The following FAM117B variants were observed in gnomAD, a reference collection of about 807,000 sequenced individuals.
FAM117B encodes family with sequence similarity 117 member B, also known as protein FAM117B.
In FAM117B, 22 loss-of-function variants were observed where a neutral mutation model predicts 52.8. That is an observed-to-expected ratio of 0.42 (90% CI 0.30 to 0.59). The LOEUF (loss-of-function observed/expected upper bound fraction) is 0.59, where lower values mean the gene tolerates loss of function less well. Ranked by LOEUF, FAM117B falls within the 20% of genes least tolerant of loss-of-function variation. The probability of loss-of-function intolerance (pLI) is 0.22; values close to 1 mark genes in which losing one functional copy is unlikely to be tolerated. For synonymous variants in FAM117B, 309 were observed against 324.1 expected, an observed-to-expected ratio of 0.95 and a Z score of 0.50; for missense variants, 678 against 802.6, an observed-to-expected ratio of 0.84 and a Z score of 1.88.
At chr2:202,700,715 CT>C in intron 2 of FAM117B, among the ~76,000 whole-genome samples, 1 of 139,878 alleles carries the variant, frequency 7.1e-6, no homozygotes, top group African/African-American at 2.9e-5. Context: ...GAGATGGAGT[CT>C]TGCTCTGTCA....
chr2:202,684,741 A>G (rs1690514107), intron 1 of FAM117B, among the ~76,000 whole-genome samples: 1 of 152,178 alleles, frequency 6.6e-6, no homozygotes, highest in Non-Finnish European at 1.5e-5. Flanking sequence ...TATATTAAAT[A>G]AGATGTCTTT....
chr2:202,715,508 CA>C (rs1691037300), intron 2 of FAM117B, among the ~76,000 whole-genome samples: 1 of 151,756 alleles, frequency 6.6e-6, no homozygotes, highest in Non-Finnish European at 1.5e-5. Flanking sequence ...AGGCGCTCCC[CA>C]CATCTCAGAC....
chr2:202,661,012 T>G (rs1690119830), intron 1 of FAM117B, among the ~76,000 whole-genome samples: 1 of 152,206 alleles, frequency 6.6e-6, no homozygotes, highest in Non-Finnish European at 1.5e-5. Flanking sequence ...AAAGAAAGTG[T>G]TTCTCCTGGA....
rs574635747 is a variant in FAM117B, at chr2:202,722,154, G to C, written c.754-2763G>C. ...GCCTCCCAAGCAGCTGGGATTACAC[G>C]TGCCTGCCACCACGCCCGGCTAATT... On this transcript the variant is annotated intron_variant, in intron 2 of 7. Transcript: ENST00000392238. 4.1e-4 allele frequency among the ~76,000 whole-genome samples: 62 copies of C among 151,730 alleles called. No individual in the cohort carries two copies. In the South Asian group the frequency reaches 4.6e-3, roughly 11 times the overall value.
intron 1 of FAM117B, among the ~76,000 whole-genome samples, chr2:202,684,575 G>A (rs1690510891): frequency 6.6e-6 from 1 of 152,008 alleles, no homozygotes; most frequent in Non-Finnish European, 1.5e-5. Flanking sequence ...AAATCATTAT[G>A]CCCCCAAGCA....
At chr2:202,739,402 TCTGTCTGTCTTC>T (rs1157679414) in intron 4 of FAM117B, among the ~76,000 whole-genome samples, 3 of 151,060 alleles carry the variant, frequency 2.0e-5, no homozygotes, top group African/African-American at 7.3e-5. Flanking sequence ...CGTCTGTCTT[TCTGTCTGTCTTC>T]CTGTCTGTCT....
chr2:202,659,728 C>T (rs1278324826), intron 1 of FAM117B, among the ~76,000 whole-genome samples: 1 of 149,882 alleles, frequency 6.7e-6, no homozygotes, highest in Non-Finnish European at 1.5e-5. Context: ...GATTCTCCTG[C>T]CTCAGCCTCC....
chr2:202,743,780 A>G (rs1360204728), intron 4 of FAM117B, among the ~76,000 whole-genome samples: 1 of 152,206 alleles, frequency 6.6e-6, no homozygotes, highest in Non-Finnish European at 1.5e-5. Flanking sequence ...AGACTAGATC[A>G]AGCAAAAGAA....
Position 202,759,703 on chromosome 2 carries a change from G to T in FAM117B, c.1451+350G>T, listed in dbSNP as rs538454687. ...CTCCTGAGTAGCAGGGACTACAGGCGCCTACCACCACGCCCGGCTAATTTT... is the reference window on the plus strand; with the variant it reads ...CTCCTGAGTAGCAGGGACTACAGGCTCCTACCACCACGCCCGGCTAATTTT... On this transcript the variant is annotated intron_variant, in intron 7 of 7. Transcript: ENST00000392238. Among the ~76,000 whole-genome samples, 10 of 151,296 alleles carry T rather than the reference G, an allele frequency of 6.6e-5. No homozygotes were observed. The East Asian group carries it at 1.9e-3, about 29-fold the overall frequency.
chr2:202,712,556 G>A (rs1015877345), intron 2 of FAM117B, among the ~76,000 whole-genome samples: 1 of 150,386 alleles, frequency 6.6e-6, no homozygotes, highest in Non-Finnish European at 1.5e-5. Context: ...CTCTTGTCCA[G>A]TTGCTCTGTC....
intron 1 of FAM117B, among the ~76,000 whole-genome samples, chr2:202,656,855 TA>T (rs1161899089): frequency 5.9e-5 from 9 of 151,928 alleles, no homozygotes; most frequent in Non-Finnish European, 7.4e-5. Flanking sequence ...TTTGAAGCTT[TA>T]AAAAAAAGTC....
At chr2:202,746,286 A>C (rs1691631602) in intron 4 of FAM117B, among the ~76,000 whole-genome samples, 1 of 152,162 alleles carries the variant, frequency 6.6e-6, no homozygotes, top group Admixed American at 6.5e-5. Flanking sequence ...CACAGACTAG[A>C]ACTAGGAATC....
intron 3 of FAM117B, among the ~76,000 whole-genome samples, chr2:202,726,042 G>A (rs982738567): frequency 6.6e-6 from 1 of 152,108 alleles, no homozygotes; most frequent in East Asian, 1.9e-4. Flanking sequence ...TGGGAAGCTC[G>A]AAGGCTGAGA....
At chr2:202,640,869 C>A (rs948042013) in intron 1 of FAM117B, among the ~76,000 whole-genome samples, 6 of 152,142 alleles carry the variant, frequency 3.9e-5, no homozygotes, top group African/African-American at 4.8e-5. Context: ...CCTCAGCCCC[C>A]CAAAGTGCTG....
At chr2:202,697,401 T>C (rs1690728862) in intron 2 of FAM117B, among the ~76,000 whole-genome samples, 2 of 152,196 alleles carry the variant, frequency 1.3e-5, no homozygotes, top group Non-Finnish European at 2.9e-5. Context: ...AGTTACAGCT[T>C]TATTGCTAGT....
intron 2 of FAM117B, among the ~76,000 whole-genome samples, chr2:202,718,041 G>T (rs989939253): frequency 2.0e-5 from 3 of 152,174 alleles, no homozygotes; most frequent in African/African-American, 7.2e-5. Context: ...ATAGGCAGAG[G>T]AGCCTCACCT....
At chr2:202,716,863 T>G (rs988660403) in intron 2 of FAM117B, among the ~76,000 whole-genome samples, 2 of 152,238 alleles carry the variant, frequency 1.3e-5, no homozygotes, top group Admixed American at 6.5e-5. Flanking sequence ...TTTCTGCTTC[T>G]TTTTAATTAT....
intron 1 of FAM117B, among the ~76,000 whole-genome samples, chr2:202,642,753 A>G (rs550570685): frequency 6.6e-6 from 1 of 152,218 alleles, no homozygotes; most frequent in African/African-American, 2.4e-5. Flanking sequence ...CATGTACATC[A>G]TGCTAGGCAT....
chr2:202,696,116 C>T (rs1413113691), intron 2 of FAM117B, 84 bp downstream of exon 2: 10 of 1,423,634 alleles, frequency 7.0e-6, no homozygotes, highest in African/African-American at 5.7e-5. Context: ...TTGAGTAGAA[C>T]AAACATTTAG....
Sources: allele counts gnomAD v4.1 joint callset (sites outside exome capture counted in the v4.1 genomes callset), GRCh38; gene constraint gnomAD v4.1.1; transcripts MANE v1.5; gene names NCBI Gene and HGNC (gene_info 2026-07-23, HGNC 2026-07-21).